SGPL1: variants seen among roughly 807,000 people sequenced by gnomAD.
SGPL1 encodes the protein SP-lyase 1.
A neutral mutation model predicts 68.9 loss-of-function variants in SGPL1; 37 were observed. The ratio of observed to expected loss-of-function variants is 0.54; its 90% confidence interval spans 0.41 to 0.71. SGPL1 has a LOEUF of 0.71. SGPL1 is among the 30% of genes least tolerant of loss of function. The pLI is 0.00. For missense variants in SGPL1, 551 were observed against 704.6 expected (o/e 0.78, Z 2.47); for synonymous variants, 236 against 248.5 (o/e 0.95, Z 0.47).
intron 9 of SGPL1, 34 bp downstream of exon 9, chr10:70,869,931 G>A: frequency 1.9e-6 from 3 of 1,566,338 alleles, no homozygotes; most frequent in Non-Finnish European, 2.6e-6. Context: ...TGTCTGTGCT[G>A]GGCCCTGACA....
intron 3 of SGPL1, among the ~76,000 whole-genome samples, chr10:70,849,959 C>T (rs1845852235): frequency 6.6e-6 from 1 of 152,168 alleles, no homozygotes; most frequent in South Asian, 2.1e-4. Context: ...CTTGCATTGC[C>T]TTTTATGTCA....
At chr10:70,848,899 T>G (rs1430053278) in intron 3 of SGPL1, among the ~76,000 whole-genome samples, 3 of 152,228 alleles carry the variant, frequency 2.0e-5, no homozygotes, top group Non-Finnish European at 2.9e-5. Flanking sequence ...TTTTCTATCC[T>G]TTTGACCATC....
intron 2 of SGPL1, among the ~76,000 whole-genome samples, chr10:70,827,996 T>C (rs924261100): frequency 6.6e-6 from 1 of 152,368 alleles, no homozygotes; most frequent in African/African-American, 2.4e-5. Context: ...TGTGTAGTGT[T>C]ACAATGTATA....
chr10:70,869,709 C>G (rs1038798071), intron 8 of SGPL1, 83 bp from the exon 9 acceptor site: 5 of 988,040 alleles, frequency 5.1e-6, no homozygotes, highest in Non-Finnish European at 7.6e-6. Flanking sequence ...AGAACTTACT[C>G]CCGGTAATTT....
chr10:70,841,639 A>G (rs827236), intron 2 of SGPL1, among the ~76,000 whole-genome samples: 3 of 152,020 alleles, frequency 2.0e-5, no homozygotes, highest in Non-Finnish European at 4.4e-5. Flanking sequence ...TCTTCCTCCT[A>G]CCATCAGCTT....
rs189286764 is a variant in SGPL1, at chr10:70,833,668, G to T, written c.28-10805G>T. 3.9e-5 allele frequency among the ~76,000 whole-genome samples: 6 copies of T among 152,100 alleles called. No homozygotes were observed. The East Asian group carries it at 1.2e-3, about 29-fold the overall frequency. ...CTTTCTGGCTTTTCTTTTTTTGGTGGGGGGGCAGAAGCTGATAAGAATAAA... is the reference window on the plus strand; with the variant it reads ...CTTTCTGGCTTTTCTTTTTTTGGTGTGGGGGCAGAAGCTGATAAGAATAAA... On this transcript the variant is annotated intron_variant, in intron 2 of 14. Transcript: ENST00000373202.
At chr10:70,832,786 C>T (rs776586629) in intron 2 of SGPL1, among the ~76,000 whole-genome samples, 15 of 152,182 alleles carry the variant, frequency 9.9e-5, no homozygotes, top group Non-Finnish European at 1.6e-4. Context: ...CCATATCTTA[C>T]CTACTTGCCT....
intron 7 of SGPL1, among the ~76,000 whole-genome samples, chr10:70,863,955 G>C (rs1359479644): frequency 6.6e-6 from 1 of 152,064 alleles, no homozygotes; most frequent in Non-Finnish European, 1.5e-5. Flanking sequence ...TGAAGGGTCT[G>C]GTGCCACCTC....
intron 9 of SGPL1, among the ~76,000 whole-genome samples, chr10:70,870,779 T>C (rs1846279287): frequency 6.6e-6 from 1 of 152,202 alleles, no homozygotes; most frequent in South Asian, 2.1e-4. Flanking sequence ...CATTTGGCTC[T>C]TTGGCCTCTT....
At chr10:70,822,880 A>C (rs1460142239) in intron 2 of SGPL1, among the ~76,000 whole-genome samples, 2 of 151,780 alleles carry the variant, frequency 1.3e-5, no homozygotes, top group Non-Finnish European at 2.9e-5. Flanking sequence ...AAGAAACACA[A>C]TTGAACTTAC....
intron 2 of SGPL1, among the ~76,000 whole-genome samples, chr10:70,826,208 C>T (rs907417332): frequency 3.3e-5 from 5 of 151,954 alleles, no homozygotes; most frequent in Non-Finnish European, 7.4e-5. Context: ...CAGTACAATA[C>T]AATACAACAC....
intron 6 of SGPL1, 51 bp from the exon 7 acceptor site, chr10:70,859,320 C>A: frequency 7.7e-7 from 1 of 1,302,748 alleles, no homozygotes; most frequent in Non-Finnish European, 9.9e-7. Context: ...GATTCTTTGT[C>A]CTGTATAGTG....
At chr10:70,832,980 A>G (rs1845570075) in intron 2 of SGPL1, among the ~76,000 whole-genome samples, 1 of 152,222 alleles carries the variant, frequency 6.6e-6, no homozygotes, top group Non-Finnish European at 1.5e-5. Flanking sequence ...ACTTAACAGA[A>G]TCAGCATCTC....
rs1589479869 is a variant in SGPL1 at position 70,877,608 on chromosome 10, A to G, written c.*273A>G. ...AATTGTTTTAACCATTTCCTTTTCT[A>G]AACTCTCTAGCTTTCAACTTTACTT... On this transcript the variant is annotated 3_prime_UTR_variant, in exon 15 of 15. Transcript: ENST00000373202. 1.3e-5 allele frequency: 5 copies of G among 374,236 alleles called. No homozygotes were observed. In the East Asian group the frequency reaches 2.1e-4, roughly 15 times the overall value. 23.2% of individuals were successfully genotyped at this position (374,236 alleles called of 1,614,324 possible).
At chr10:70,847,283 G>A (rs1023287351) in intron 3 of SGPL1, among the ~76,000 whole-genome samples, 3 of 151,980 alleles carry the variant, frequency 2.0e-5, no homozygotes, top group African/African-American at 7.3e-5. Context: ...TGAGTAGCTG[G>A]GATTATAGGT....
chr10:70,865,190 G>C (rs1589471105), intron 7 of SGPL1, among the ~76,000 whole-genome samples: 1 of 151,364 alleles, frequency 6.6e-6, no homozygotes, highest in African/African-American at 2.4e-5. Flanking sequence ...GCTTACTTCT[G>C]CTCTCTGCTG....
intron 2 of SGPL1, among the ~76,000 whole-genome samples, chr10:70,830,999 A>G (rs1417618709): frequency 6.6e-6 from 1 of 152,078 alleles, no homozygotes; most frequent in African/African-American, 2.4e-5. Flanking sequence ...ATGGAGGCAA[A>G]ACAACTCTCT....
intron 2 of SGPL1, among the ~76,000 whole-genome samples, chr10:70,836,318 G>A (rs1845626849): frequency 6.6e-6 from 1 of 152,106 alleles, no homozygotes. Context: ...CAATTAGTAT[G>A]TAGGTATTTA....
intron 6 of SGPL1, among the ~76,000 whole-genome samples, chr10:70,858,755 T>C (rs1215851961): frequency 6.6e-6 from 1 of 152,222 alleles, no homozygotes. Context: ...CCTTTTCTCT[T>C]TACTAAATGT....
Sources: gnomAD v4.1 joint callset for allele counts (sites outside exome capture counted in the v4.1 genomes callset) on GRCh38, gnomAD v4.1.1 for gene constraint, MANE v1.5 for transcripts, NCBI Gene and HGNC (gene_info 2026-07-23, HGNC 2026-07-21) for gene names.